Variants in ALG12 observed in about 807,000 individuals in gnomAD.
ALG12 encodes dol-P-Man:Man(7)GlcNAc(2)-PP-Dol alpha-1,6-mannosyltransferase.
In ALG12, 36 loss-of-function variants were observed where a neutral mutation model predicts 46.0. The observed-to-expected ratio is 0.78, with a 90% CI of 0.60 to 1.03. The LOEUF (loss-of-function observed/expected upper bound fraction) is 1.03, where lower values mean the gene tolerates loss of function less well. Among genes scored for constraint, ALG12 ranks in the 50% least tolerant of loss-of-function variants. The probability of loss-of-function intolerance (pLI) is 0.00; values close to 1 mark genes in which losing one functional copy is unlikely to be tolerated. For missense variants in ALG12, 599 were observed against 633.5 expected, an observed-to-expected ratio of 0.95 and a Z score of 0.58; for synonymous variants, 326 against 291.6, an observed-to-expected ratio of 1.12 and a Z score of -1.20.
chr22:49,903,755 A>G lies in ALG12; in HGVS notation c.*83T>C, dbSNP rs2060526988. On this transcript the variant is annotated 3_prime_UTR_variant, in exon 10 of 10. Coordinates refer to ENST00000330817, the MANE Select transcript of ALG12 (RefSeq NM_024105.4). Reference sequence around the variant, plus strand: ...TTGACTTGCTTCTCTGAATTGTCATAATTGTGCTGGAATTGTGCCAGAAAC... The same window carrying G: ...TTGACTTGCTTCTCTGAATTGTCATGATTGTGCTGGAATTGTGCCAGAAAC... 1 of 1,480,300 alleles carries G rather than the reference A, an allele frequency of 6.8e-7. No individual in the cohort carries two copies. The highest frequency in any genetic ancestry group is 9.4e-7 in the Non-Finnish European group (1 of 1,062,700). 91.7% of individuals were successfully genotyped at this position (1,480,300 alleles called of 1,614,324 possible). A position where few individuals can be genotyped will look rare whatever the true frequency, so the allele number is the denominator to read the frequency against.
At position 49,906,194 on chromosome 22, in the gene ALG12, C is replaced by T. The variant is rs367983415; in HGVS notation, c.992+1527G>A. On this transcript the variant is annotated intron_variant, in intron 7 of 9. Transcript: ENST00000330817. This position sits in a 1 kb window ranked among gnomAD's most constrained non-coding sequence, Gnocchi z 4.4. ...CGCCCAGCACACCAGGCCTCAAAGA[C>T]ACAGAGCTGGGTCCAGTTCCCACTG... is the stretch of plus-strand genomic sequence containing the variant. 2.6e-5 allele frequency among the ~76,000 whole-genome samples: 4 copies of T among 152,314 alleles called. No individual in the cohort carries two copies. The highest frequency in any genetic ancestry group is 1.9e-4 in the East Asian group (1 of 5,178).
chr22:49,904,556 A>G (rs968441135), intron 7 of ALG12, 50 bp from the exon 8 acceptor site: 1 of 1,603,014 alleles, frequency 6.2e-7, no homozygotes, highest in African/African-American at 1.3e-5. Context: ...TGACAATAAA[A>G]TTAATCTACC....
In ALG12 at chr22:49,907,604, G is replaced by A. The variant is rs190097286; in HGVS notation, c.992+117C>T. Reference sequence around the variant, plus strand: ...GCAGTAAGCCCCACTCCAGCTGGGCGACAGAGCAAGACCCTGTTTCAAAAA... The same window carrying A: ...GCAGTAAGCCCCACTCCAGCTGGGCAACAGAGCAAGACCCTGTTTCAAAAA... On this transcript the variant is annotated intron_variant, in intron 7 of 9. Coordinates refer to ENST00000330817, the MANE Select transcript of ALG12 (RefSeq NM_024105.4). 27 of 1,196,402 alleles carry A rather than the reference G, an allele frequency of 2.3e-5. 1 individual carries two copies. The highest frequency in any genetic ancestry group is 1.3e-4 in the East Asian group (5 of 39,376). 74.1% of individuals were successfully genotyped at this position (1,196,402 alleles called of 1,614,324 possible).
intron 1 of ALG12, among the ~76,000 whole-genome samples, chr22:49,917,909 GC>G (rs2146623273): frequency 1.1e-5 from 1 of 91,904 alleles, no homozygotes; most frequent in South Asian, 4.5e-4. Context: ...CAGATCCCCA[GC>G]CCCCAGGTGA....
At chr22:49,885,906 C>G in the ALG12 span, 2 of 1,016,778 alleles carry the variant, frequency 2.0e-6, no homozygotes, top group Non-Finnish European at 3.1e-6. Context: ...CCCTCACGGC[C>G]CACTGGGTTT....
chr22:49,899,327 A>T (rs2060494973), downstream of ALG12, among the ~76,000 whole-genome samples: 1 of 151,880 alleles, frequency 6.6e-6, no homozygotes, highest in South Asian at 2.1e-4. Flanking sequence ...ATACAAAAAA[A>T]ATTAGCCGGG....
the ALG12 span, among the ~76,000 whole-genome samples, chr22:49,869,582 C>T: frequency 6.6e-6 from 1 of 152,186 alleles, no homozygotes; most frequent in African/African-American, 2.4e-5. Context: ...TTGAAGATGT[C>T]ATTCCTCTGT....
downstream of ALG12, among the ~76,000 whole-genome samples, chr22:49,899,864 G>T (rs1471338373): frequency 1.3e-5 from 2 of 151,940 alleles, no homozygotes; most frequent in East Asian, 3.9e-4. Flanking sequence ...AGGAGAGAGT[G>T]TTAGGTGAAA....
chr22:49,876,301 A>G, the ALG12 span, among the ~76,000 whole-genome samples: 1 of 152,290 alleles, frequency 6.6e-6, no homozygotes, highest in South Asian at 2.1e-4. Context: ...CTTGGATAAT[A>G]GTGTTGTTTG....
chr22:49,908,895 T>C (rs1352317629), intron 6 of ALG12, among the ~76,000 whole-genome samples: 7 of 145,606 alleles, frequency 4.8e-5, no homozygotes. Flanking sequence ...GAGGTTGCAG[T>C]GAGCCAAGAT....
intron 3 of ALG12, among the ~76,000 whole-genome samples, chr22:49,911,596 G>A (rs62233158): frequency 7.9e-5 from 12 of 151,992 alleles, no homozygotes; most frequent in Non-Finnish European, 2.9e-5. Flanking sequence ...CAACACGCCC[G>A]GCTAATTTTT....
the ALG12 span, among the ~76,000 whole-genome samples, chr22:49,877,738 T>C: frequency 6.6e-6 from 1 of 152,270 alleles, no homozygotes; most frequent in East Asian, 1.9e-4. Context: ...ATGGACATGC[T>C]TGTGTATCCA....
chr22:49,883,658 C>G, the ALG12 span: 4 of 1,550,018 alleles, frequency 2.6e-6, no homozygotes, highest in African/African-American at 4.1e-5. Flanking sequence ...TAGTTATGGT[C>G]AGTCATGGAG....
chr22:49,870,866 C>T, the ALG12 span, among the ~76,000 whole-genome samples: 2 of 152,018 alleles, frequency 1.3e-5, no homozygotes, highest in Non-Finnish European at 2.9e-5. Flanking sequence ...TGTTACAATC[C>T]ACTCAATTAT....
chr22:49,915,249 C>G (rs552653036), intron 1 of ALG12, among the ~76,000 whole-genome samples: 9 of 152,128 alleles, frequency 5.9e-5, no homozygotes, highest in Non-Finnish European at 1.0e-4. Context: ...CGCTCATTCC[C>G]GTAATCCCAG....
At chr22:49,864,948 C>A in the ALG12 span, among the ~76,000 whole-genome samples, 1 of 98,534 alleles carries the variant, frequency 1.0e-5, no homozygotes. Context: ...CCCCCCCCCC[C>A]CCCCGTGAAG....
At chr22:49,886,233 C>T in the ALG12 span, 16 of 934,804 alleles carry the variant, frequency 1.7e-5, no homozygotes, top group Admixed American at 8.5e-5. The surrounding 1 kb of genome is among the most constrained non-coding windows in gnomAD (Gnocchi z 7.7). Context: ...GGAAGATCTG[C>T]GAGCGGGTGC....
rs1475688684 is a variant in ALG12 at position 49,905,434 on chromosome 22, G to A, written c.993-928C>T. 6.6e-6 allele frequency among the ~76,000 whole-genome samples: 1 copy of A among 152,194 alleles called. No homozygotes were observed. The highest frequency in any genetic ancestry group is 6.5e-5 in the Admixed American group (1 of 15,272). On this transcript the variant is annotated intron_variant, in intron 7 of 9. Transcript: ENST00000330817. This position sits in a 1 kb window ranked among gnomAD's most constrained non-coding sequence, Gnocchi z 4.9. The stretch of plus-strand genomic sequence containing the variant: ...CCAACTGTGATCCCCAATGCTGGAG[G>A]TGGGGCCTGGTGGGAGGTGACTGGG...
chr22:49,899,397 G>A (rs2060495143), downstream of ALG12, among the ~76,000 whole-genome samples: 1 of 151,440 alleles, frequency 6.6e-6, no homozygotes, highest in Non-Finnish European at 1.5e-5. Flanking sequence ...AGAATCACTC[G>A]AGCCTGGGAG....
Sources: allele counts gnomAD v4.1 joint callset (sites outside exome capture counted in the v4.1 genomes callset), GRCh38; gene constraint gnomAD v4.1.1; non-coding constraint Gnocchi (gnomAD v3.1); transcripts MANE v1.5; gene names NCBI Gene and HGNC (gene_info 2026-07-23, HGNC 2026-07-21).